CNTNAP2: variants seen among roughly 807,000 people sequenced by gnomAD.
The protein encoded by CNTNAP2 is contactin-associated protein-like 2.
A neutral mutation model predicts 155.2 loss-of-function variants in CNTNAP2; 98 were observed. The ratio of observed to expected loss-of-function variants is 0.63; its 90% CI spans 0.54 to 0.75. CNTNAP2 has a LOEUF of 0.75. CNTNAP2 is among the 30% of genes least tolerant of loss of function. CNTNAP2 has a pLI of 0.00. For missense variants in CNTNAP2, 1,727 were observed against 1,688.1 expected (o/e 1.02, Z -0.40); for synonymous variants, 651 against 631.2 (o/e 1.03, Z -0.47).
chr7:146,645,253 A>T (rs1045819789), intron 1 of CNTNAP2, among the ~76,000 whole-genome samples: 3 of 152,186 alleles, frequency 2.0e-5, no homozygotes, highest in African/African-American at 7.2e-5. Flanking sequence ...CAAGAAAAAA[A>T]TCATGGCTAT....
chr7:147,327,843 T>C (rs1030979113), intron 9 of CNTNAP2, among the ~76,000 whole-genome samples: 1 of 152,070 alleles, frequency 6.6e-6, no homozygotes, highest in African/African-American at 2.4e-5. Context: ...GGGGTAAGGA[T>C]TTAAAAGCAG....
At chr7:147,940,061 C>A (rs1800689990) in intron 14 of CNTNAP2, 1 of 152,026 alleles carries the variant, frequency 6.6e-6, no homozygotes, top group South Asian at 2.1e-4. Flanking sequence ...GAGGCAGGAG[C>A]ATTGTTTTGA....
chr7:148,221,212 C>G (rs910802704), intron 19 of CNTNAP2, among the ~76,000 whole-genome samples: 21 of 152,224 alleles, frequency 1.4e-4, no homozygotes, highest in Non-Finnish European at 5.9e-5. Context: ...TAATGAAGCT[C>G]ACTTTGTGCC....
At position 147,552,766 on chromosome 7, in the gene CNTNAP2, T is replaced by A. The variant is rs944739492; in HGVS notation, c.1778-9372T>A. The stretch of plus-strand genomic sequence containing the variant: ...CAATTCAGCACAATGTTTAAACAAG[T>A]GTTAGGACCCTGTAGCCAGAATTCC... On this transcript the variant is annotated intron_variant, in intron 11 of 23. Coordinates refer to ENST00000361727, the MANE Select transcript of CNTNAP2 (RefSeq NM_014141.6). Among the ~76,000 whole-genome samples the A allele has an allele frequency of 2.6e-5, 4 of 152,178 alleles. No individual in the cohort carries two copies. The South Asian group carries it at 6.2e-4, about 24-fold the overall frequency.
chr7:147,124,310 A>G (rs1338831033), intron 6 of CNTNAP2, among the ~76,000 whole-genome samples: 1 of 152,156 alleles, frequency 6.6e-6, no homozygotes, highest in African/African-American at 2.4e-5. Flanking sequence ...CCCCAAGATT[A>G]TACTGCCTCA....
chr7:147,532,557 G>A (rs1245150915), intron 11 of CNTNAP2, among the ~76,000 whole-genome samples: 1 of 152,084 alleles, frequency 6.6e-6, no homozygotes, highest in East Asian at 1.9e-4. Context: ...ACACATTTTC[G>A]GGTATCTTTT....
chr7:146,879,570 A>T (rs1027313470), intron 3 of CNTNAP2, among the ~76,000 whole-genome samples: 21 of 152,094 alleles, frequency 1.4e-4, no homozygotes, highest in African/African-American at 5.1e-4. Context: ...TAAGTCTCAT[A>T]ACACTCCATG....
chr7:146,842,994 C>CTTTTTTTTTTTTT lies in CNTNAP2; in HGVS notation c.402+3107_402+3119dup, dbSNP rs35387068. Among the ~76,000 whole-genome samples, 3 of 13,668 alleles carry CTTTTTTTTTTTTT rather than the reference C, an allele frequency of 2.2e-4. 1 individual carries two copies. The highest frequency in any genetic ancestry group is 3.9e-4 in the Non-Finnish European group (3 of 7,646). 9.0% of individuals were successfully genotyped at this position (13,668 alleles called of 152,430 possible). ...GCCACCACGCCCGGCCTGTCCCACA[C>CTTTTTTTTTTTTT]TTTTTTTTTTTTTTTTTTTTTTTTT... On this transcript the variant is annotated intron_variant, in intron 3 of 23. Coordinates refer to ENST00000361727, the MANE Select transcript of CNTNAP2 (RefSeq NM_014141.6).
chr7:148,139,664 C>T (rs1219849858), intron 16 of CNTNAP2, among the ~76,000 whole-genome samples: 2 of 152,062 alleles, frequency 1.3e-5, no homozygotes, highest in Admixed American at 1.3e-4. Context: ...CTCAGCCTCC[C>T]GAGTAGCTGG....
intron 8 of CNTNAP2, among the ~76,000 whole-genome samples, chr7:147,235,346 G>T (rs576755428): frequency 0.04 from 370 of 9,312 alleles, 3 homozygotes; most frequent in Non-Finnish European, 0.013. Flanking sequence ...GGAGTTTTTG[G>T]TGTGTGTGTG....
Position 147,572,461 on chromosome 7 carries a change from C to G in CNTNAP2, c.1897+10204C>G, listed in dbSNP as rs529853909. ...CTTCTGAGGTTTCCAAAATCGTACT[C>G]TCTATGCAAATGCTCTTCCTTCAAA... On this transcript the variant is annotated intron_variant, in intron 12 of 23. Transcript: ENST00000361727. Among the ~76,000 whole-genome samples the G allele has an allele frequency of 3.3e-5, 5 of 152,242 alleles. No homozygotes were observed. In the East Asian group the frequency reaches 9.7e-4, roughly 29 times the overall value.
intron 4 of CNTNAP2, among the ~76,000 whole-genome samples, chr7:147,084,006 CATAATGCTATATATGTATATATAATACAT>C (rs1800212585): frequency 7.9e-6 from 1 of 127,286 alleles, no homozygotes; most frequent in African/African-American, 2.9e-5. Flanking sequence ...TACATATATA[CATAATGCTATATATGTATATATAATACAT>C]ATATGCATAA....
intron 12 of CNTNAP2, among the ~76,000 whole-genome samples, chr7:147,606,835 A>G (rs1344734989): frequency 6.6e-6 from 1 of 152,198 alleles, no homozygotes; most frequent in Non-Finnish European, 1.5e-5. Context: ...GCTGAGACCT[A>G]AGGGACTAAG....
chr7:147,489,729 C>T lies in CNTNAP2; in HGVS notation c.1777+3688C>T, dbSNP rs554909892. On this transcript the variant is annotated intron_variant, in intron 11 of 23. Transcript: ENST00000361727. ...CTCCCAGGTTCAAGCGATTCTGCTGCCTCAGCCTCCCAAGTAGCTGGGACT... is the reference window on the plus strand; with the variant it reads ...CTCCCAGGTTCAAGCGATTCTGCTGTCTCAGCCTCCCAAGTAGCTGGGACT... Among the ~76,000 whole-genome samples the T allele has an allele frequency of 5.3e-5, 8 of 152,240 alleles. No homozygotes were observed. In the South Asian group the frequency reaches 1.7e-3, roughly 32 times the overall value.
chr7:147,841,951 A>T (rs552571283), intron 13 of CNTNAP2, among the ~76,000 whole-genome samples: 111 of 149,968 alleles, frequency 7.4e-4, no homozygotes, highest in Admixed American at 1.6e-3. Context: ...AAAATGGTAG[A>T]TTTTAAATTA....
At chr7:147,549,458 G>A (rs1799808529) in intron 11 of CNTNAP2, among the ~76,000 whole-genome samples, 1 of 152,124 alleles carries the variant, frequency 6.6e-6, no homozygotes, top group African/African-American at 2.4e-5. Flanking sequence ...TTTGTATCCT[G>A]AGATTTTGCT....
At chr7:147,388,443 T>C (rs562932593) in intron 9 of CNTNAP2, among the ~76,000 whole-genome samples, 51 of 152,332 alleles carry the variant, frequency 3.3e-4, no homozygotes, top group African/African-American at 1.2e-3. Flanking sequence ...CAGTGGATGA[T>C]AGGAACCATC....
intron 13 of CNTNAP2, among the ~76,000 whole-genome samples, chr7:147,701,402 G>A (rs139757730): frequency 0.016 from 2,511 of 152,218 alleles, 224 homozygotes; most frequent in Admixed American, 0.15. Context: ...CTTGTATCAT[G>A]TAAGTGTAAG....
intron 11 of CNTNAP2, among the ~76,000 whole-genome samples, chr7:147,533,323 G>A (rs1256718885): frequency 6.6e-6 from 1 of 152,094 alleles, no homozygotes; most frequent in Non-Finnish European, 1.5e-5. Flanking sequence ...TTGATGACCT[G>A]ATTATGTTTA....
Sources: gnomAD v4.1 joint callset for allele counts (sites outside exome capture counted in the v4.1 genomes callset) on GRCh38, gnomAD v4.1.1 for gene constraint, MANE v1.5 for transcripts, NCBI Gene and HGNC (gene_info 2026-07-23, HGNC 2026-07-21) for gene names.